SHPRH: variants seen among roughly 807,000 people sequenced by gnomAD.
SHPRH encodes E3 ubiquitin-protein ligase SHPRH.
A neutral mutation model predicts 202.5 loss-of-function variants in SHPRH; 106 were observed. The observed-to-expected ratio is 0.52, with a 90% confidence interval of 0.45 to 0.62. The LOEUF (loss-of-function observed/expected upper bound fraction) is 0.62. SHPRH is among the 20% of genes least tolerant of loss of function. The probability of loss-of-function intolerance (pLI) is 0.00; values close to 1 mark genes in which losing one functional copy is unlikely to be tolerated. For missense variants in SHPRH, 1,710 were observed against 2,020.0 expected, an observed-to-expected ratio of 0.85 and a Z score of 2.94; for synonymous variants, 729 against 686.0, an observed-to-expected ratio of 1.06 and a Z score of -0.98.
chr6:145,954,500 T>C (rs1788296647), intron 2 of SHPRH, among the ~76,000 whole-genome samples, 190 bp downstream of exon 2: 1 of 152,130 alleles, frequency 6.6e-6, no homozygotes, highest in Non-Finnish European at 1.5e-5. Context: ...TGGAAGATCT[T>C]GAAAAAGTGT....
chr6:145,907,885 C>T (rs1783114008), intron 25 of SHPRH: 1 of 152,096 alleles, frequency 6.6e-6, no homozygotes. Context: ...GTTTGCTGCA[C>T]CTATTTATCT....
chr6:145,961,105 C>T (rs951007790), intron 1 of SHPRH, among the ~76,000 whole-genome samples: 5 of 152,102 alleles, frequency 3.3e-5, no homozygotes, highest in Admixed American at 6.5e-5. Flanking sequence ...TTCTAACAGG[C>T]CACGGACTGG....
chr6:145,919,094 C>A, intron 22 of SHPRH: 1 of 360,508 alleles, frequency 2.8e-6, no homozygotes, highest in Non-Finnish European at 5.0e-6. Flanking sequence ...AACTCAAAAA[C>A]AGATGAATGC....
intron 11 of SHPRH, among the ~76,000 whole-genome samples, chr6:145,940,060 A>C (rs931027806): frequency 2.6e-5 from 4 of 152,196 alleles, no homozygotes; most frequent in Non-Finnish European, 5.9e-5. Context: ...CAACTTGAAT[A>C]AAGGTTTTAG....
chr6:145,956,068 A>T (rs886983645), intron 1 of SHPRH, among the ~76,000 whole-genome samples: 2 of 152,140 alleles, frequency 1.3e-5, no homozygotes, highest in African/African-American at 2.4e-5. Flanking sequence ...AAAGAAGCAG[A>T]ATAAGCTTAA....
In SHPRH at chr6:145,945,474, G is replaced by A. The variant is rs35751650; in HGVS notation, c.1485C>T (p.Leu495=). 18 of 1,612,852 alleles carry A rather than the reference G, an allele frequency of 1.1e-5. No individual in the cohort carries two copies. Among genetic ancestry groups the A allele is most frequent in the South Asian group, 3.3e-5 (3 of 91,068 alleles). ...RMLKCLIFEG[L]VKQIKGHGFS... ...AACCATGGCCTTTGATCTGTTTCACGAGACCTTCAAAAATTAAACATTTCA... is the reference window on the plus strand; with the variant it reads ...AACCATGGCCTTTGATCTGTTTCACAAGACCTTCAAAAATTAAACATTTCA... The change falls in exon 8 of 30, where the codon CTC becomes CTT. Residue 495 remains leucine, a synonymous_variant. Coordinates refer to ENST00000275233, the MANE Select transcript of SHPRH (RefSeq NM_001042683.3).
rs757844086 is a variant in SHPRH, at chr6:145,950,361, G to C, written c.885C>G (p.Val295=). 55 of 1,613,116 alleles carry C rather than the reference G, an allele frequency of 3.4e-5. No individual in the cohort carries two copies. Among genetic ancestry groups the C allele is most frequent in the Non-Finnish European group, 4.6e-5 (54 of 1,179,412 alleles). The part of the protein sequence containing the change: ...QQETQSIQVD[V]QHPALIPVLR... ...ACACAGGGATCAATGCAGGATGCTG[G>C]ACATCCACTTGGATGGACTGCGTTT... The change falls in exon 4 of 30, where the codon GTC becomes GTG. Residue 295 remains valine, a synonymous_variant. Coordinates refer to ENST00000275233, the MANE Select transcript of SHPRH (RefSeq NM_001042683.3).
intron 2 of SHPRH, chr6:145,877,524 C>T (rs1780355986): frequency 6.6e-6 from 1 of 152,138 alleles, no homozygotes; most frequent in Non-Finnish European, 1.5e-5. Flanking sequence ...TAATATTTAG[C>T]CCCATAATAT....
At chr6:145,908,008 A>G (rs1175741055) in intron 25 of SHPRH, 1 of 151,982 alleles carries the variant, frequency 6.6e-6, no homozygotes, top group East Asian at 1.9e-4. Context: ...TACGAGTGAG[A>G]ACATGTGGTG....
In SHPRH at chr6:145,872,393, C is replaced by A. The variant is rs138476162; in HGVS notation, c.222-7902G>T. ...AAAGTGGGCAAAGGACATGAACAGACACTTCTCAAAAGAAGACATACATGT... is the reference window on the plus strand; with the variant it reads ...AAAGTGGGCAAAGGACATGAACAGAAACTTCTCAAAAGAAGACATACATGT... On this transcript the variant is annotated intron_variant, in intron 2 of 2. Coordinates refer to the SHPRH transcript ENST00000417762. Among the ~76,000 whole-genome samples, 41 of 152,206 alleles carry A rather than the reference C, an allele frequency of 2.7e-4. No individual in the cohort carries two copies. In the East Asian group the frequency reaches 7.5e-3, roughly 28 times the overall value.
Position 145,886,642 on chromosome 6 carries a change from A to G in SHPRH, c.*49T>C, listed in dbSNP as rs1781035481. 3 of 1,600,466 alleles carry G rather than the reference A, an allele frequency of 1.9e-6. No individual in the cohort carries two copies. Among genetic ancestry groups the G allele is most frequent in the African/African-American group, 2.7e-5 (2 of 74,104 alleles). On this transcript the variant is annotated 3_prime_UTR_variant, in exon 30 of 30. Transcript: ENST00000275233. ...AAACTTGTAACTTTGCTCTACAGCT[A>G]TGAAAGTTTATTAATACACTAAAGT...
At chr6:145,922,545 A>T in intron 19 of SHPRH, 118 bp downstream of exon 19, 1 of 1,294,908 alleles carries the variant, frequency 7.7e-7, no homozygotes, top group Non-Finnish European at 1.0e-6. Flanking sequence ...ATCTCTTTCT[A>T]CTTCTGTCTC....
chr6:145,886,884 AGTTTTT>A (rs1354449296), intron 29 of SHPRH, 97 bp from the exon 30 acceptor site: 6 of 1,304,864 alleles, frequency 4.6e-6, no homozygotes, highest in South Asian at 1.8e-5. Context: ...TTTTTTCTTA[AGTTTTT>A]GTAATTGGGA....
At position 145,948,955 on chromosome 6, in the gene SHPRH, C is replaced by T. The variant is rs117626592; in HGVS notation, c.983-605G>A. On this transcript the variant is annotated intron_variant, in intron 4 of 29. Transcript: ENST00000275233. ...CTGCCAAATAAGTAGCATGTCTCTA[C>T]CCACCAATGAAACAGCAAGTAATTT... 4.2e-3 allele frequency among the ~76,000 whole-genome samples: 635 copies of T among 152,084 alleles called. 18 individuals carry two copies. In the East Asian group the frequency reaches 0.071, roughly 17 times the overall value.
Position 145,945,522 on chromosome 6 carries a change from G to A in SHPRH, c.1437C>T (p.Asn479=), listed in dbSNP as rs780688067. The A allele has an allele frequency of 6.2e-7, 1 of 1,613,234 alleles. No homozygotes were observed. Among genetic ancestry groups the A allele is most frequent in the East Asian group, 2.2e-5 (1 of 44,804 alleles). ...TCAGCATCCGTTTCAAAAGACTCCT[G>A]TTCCGTTGAACATCGTATCTATATA... is the stretch of plus-strand genomic sequence containing the variant. ...SSIYRYDVQR[N]RSLLKRMLKC... The change falls in exon 8 of 30, where the codon AAC becomes AAT. Residue 479 remains asparagine (N), a synonymous_variant. Transcript: ENST00000275233.
At chr6:145,918,435 T>C (rs1355083038) in intron 22 of SHPRH, 1 of 339,932 alleles carries the variant, frequency 2.9e-6, no homozygotes, top group African/African-American at 2.2e-5. Context: ...AAAGGCACAA[T>C]TCAATGCAGA....
chr6:145,954,164 G>C (rs1425975292), intron 2 of SHPRH, among the ~76,000 whole-genome samples: 1 of 151,754 alleles, frequency 6.6e-6, no homozygotes, highest in East Asian at 1.9e-4. Context: ...GGAACTATAA[G>C]AACAAAAGCA....
intron 25 of SHPRH, among the ~76,000 whole-genome samples, chr6:145,896,515 G>A (rs771605612): frequency 2.0e-5 from 3 of 151,970 alleles, no homozygotes; most frequent in Admixed American, 6.6e-5. Context: ...CTAACTCTAC[G>A]TAGGAAAAGA....
rs1375325790 is a variant in SHPRH, at chr6:145,869,860, G to A, written c.222-5369C>T. Among the ~76,000 whole-genome samples, 3 of 141,566 alleles carry A rather than the reference G, an allele frequency of 2.1e-5. No homozygotes were observed. In the Admixed American group the frequency reaches 2.1e-4, roughly 10 times the overall value. 92.9% of individuals were successfully genotyped at this position (141,566 alleles called of 152,430 possible). On this transcript the variant is annotated intron_variant, in intron 2 of 2. Transcript: ENST00000417762. The stretch of plus-strand genomic sequence containing the variant: ...CCTCTCCATATAAACTTTAAAATTA[G>A]TTTGTTCATAGTCACAAAATAATGT...
Sources: gnomAD v4.1 joint callset for allele counts (sites outside exome capture counted in the v4.1 genomes callset) on GRCh38, gnomAD v4.1.1 for gene constraint, MANE v1.5 for transcripts, NCBI Gene and HGNC (gene_info 2026-07-23, HGNC 2026-07-21) for gene names.